The following OR4K1 variants were observed in gnomAD, a reference collection of about 807,000 sequenced individuals.
The protein encoded by OR4K1 is olfactory receptor family 4 subfamily K member 1.
In OR4K1, 16 loss-of-function variants were observed where a neutral mutation model predicts 14.4. That is an observed-to-expected ratio of 1.11 (90% CI 0.75 to 1.68). The LOEUF (loss-of-function observed/expected upper bound fraction) is 1.68. Among genes scored for constraint, OR4K1 ranks in the 40% most tolerant of loss-of-function variants. OR4K1 has a pLI of 0.00. For missense variants in OR4K1, 548 were observed against 376.9 expected (o/e 1.45, Z -3.76); for synonymous variants, 181 against 133.1 (o/e 1.36, Z -2.48).
intron 1 of OR4K1, among the ~76,000 whole-genome samples, chr14:19,931,887 C>T (rs1239250796): frequency 6.6e-6 from 1 of 152,252 alleles, no homozygotes; most frequent in African/African-American, 2.4e-5. Context: ...GTTTCCATAA[C>T]TGCCTCTGCA....
At chr14:19,930,292 C>T (rs1405764943), upstream of OR4K1, among the ~76,000 whole-genome samples, 1 of 152,206 alleles carries the variant, frequency 6.6e-6, no homozygotes, top group Non-Finnish European at 1.5e-5. Context: ...AATAGGGAAT[C>T]TTACCTTCAA....
chr14:19,928,881 A>C (rs1882120280), upstream of OR4K1, among the ~76,000 whole-genome samples: 1 of 152,090 alleles, frequency 6.6e-6, no homozygotes, highest in Non-Finnish European at 1.5e-5. Context: ...TTTGATTTAC[A>C]AGGAATTAGT....
chr14:19,923,860 C>T, the OR4K1 span, among the ~76,000 whole-genome samples: 2 of 152,202 alleles, frequency 1.3e-5, no homozygotes, highest in South Asian at 2.1e-4. Context: ...TAGCTAATTC[C>T]TATTACCAGT....
rs755773935 is a variant in OR4K1, at chr14:19,936,303, G to A, written c.637G>A (p.Ala213Thr). ...SGLISLSCFL[A>T]LIISYTIILI... ...CCTGATATCATTGAGCTGTTTCCTGGCTTTAATTATTTCCTACACCATCAT... is the reference window on the plus strand; with the variant it reads ...CCTGATATCATTGAGCTGTTTCCTGACTTTAATTATTTCCTACACCATCAT... The change falls in exon 2 of 2, where the codon GCT becomes ACT. Residue 213 changes from alanine to threonine, a missense_variant. By Grantham distance (58) the Ala-to-Thr change is moderately conservative. Transcript: ENST00000641172. The A allele has an allele frequency of 2.5e-6, 4 of 1,614,104 alleles. No homozygotes were observed. The highest frequency in any genetic ancestry group is 3.4e-6 in the Non-Finnish European group (4 of 1,180,054).
rs567416945 is a variant in OR4K1 at position 19,935,751 on chromosome 14, G to T, written c.85G>T (p.Ala29Ser). 4.3e-6 allele frequency: 7 copies of T among 1,612,748 alleles called. No individual in the cohort carries two copies. The East Asian group carries it at 1.1e-4, about 26-fold the overall frequency. The change falls in exon 2 of 2, where the codon GCC (alanine) becomes TCC (serine). Residue 29 changes from alanine to serine, a missense_variant. Ala to Ser is a moderately conservative substitution (Grantham distance 99, BLOSUM62 1). Transcript: ENST00000641172. Reference sequence around the variant, plus strand: ...CTGGGGACTTCAACTTTTCTTTTTTGCCATCTTCTCTATAGTCTATGTGAC... The same window carrying T: ...CTGGGGACTTCAACTTTTCTTTTTTTCCATCTTCTCTATAGTCTATGTGAC... ...NSWGLQLFFF[A>S]IFSIVYVTSV...
rs1882293035 is a variant in OR4K1 at position 19,935,741 on chromosome 14, T to G, written c.75T>G (p.Leu25=). The change falls in exon 2 of 2, where the codon CTT becomes CTG. Residue 25 remains leucine (L), a synonymous_variant. Coordinates refer to ENST00000641172, the MANE Select transcript of OR4K1 (RefSeq NM_001004063.3). ...TCTCTAATTCCTGGGGACTTCAACT[T>G]TTCTTTTTTGCCATCTTCTCTATAG... ...LGLSNSWGLQ[L]FFFAIFSIVY... 1 of 1,613,862 alleles carries G rather than the reference T, an allele frequency of 6.2e-7. No individual in the cohort carries two copies. Among genetic ancestry groups the G allele is most frequent in the Non-Finnish European group, 8.5e-7 (1 of 1,179,844 alleles).
chr14:19,924,355 G>T, the OR4K1 span, among the ~76,000 whole-genome samples: 1 of 129,726 alleles, frequency 7.7e-6, no homozygotes, highest in South Asian at 2.4e-4. Context: ...AGCCGAGATC[G>T]CGCCATTGCA....
In OR4K1 at chr14:19,936,050, G is replaced by C; in HGVS notation, c.384G>C (p.Lys128Asn). The C allele has an allele frequency of 5.0e-6, 8 of 1,614,262 alleles. No homozygotes were observed. The highest frequency in any genetic ancestry group is 6.8e-6 in the Non-Finnish European group (8 of 1,180,048). Residue 128 changes from lysine (K) to asparagine (N), a missense_variant, in exon 2 of 2, where the codon AAG (lysine) becomes AAC (asparagine). Lys to Asn is a moderately conservative substitution (Grantham distance 94). Transcript: ENST00000641172. Reference sequence around the variant, plus strand: ...ATGACAGATTTATAGCCATATGTAAGCCTCTGCACTACAGTACAATTATGA... The same window carrying C: ...ATGACAGATTTATAGCCATATGTAACCCTCTGCACTACAGTACAATTATGA... ...MAYDRFIAIC[K>N]PLHYSTIMNR...
chr14:19,928,593 A>G (rs2138586806), upstream of OR4K1, among the ~76,000 whole-genome samples: 1 of 152,130 alleles, frequency 6.6e-6, no homozygotes, highest in South Asian at 2.1e-4. Context: ...AATTGGGCAT[A>G]TTTTTTGCCT....
Position 19,935,955 on chromosome 14 carries a change from T to G in OR4K1, c.289T>G (p.Cys97Gly), listed in dbSNP as rs574976047. 83 of 1,614,238 alleles carry G rather than the reference T, an allele frequency of 5.1e-5. No individual in the cohort carries two copies. In the South Asian group the frequency reaches 8.8e-4, roughly 17 times the overall value. The change falls in exon 2 of 2, where the codon TGC becomes GGC. Residue 97 changes from cysteine to glycine, a missense_variant. Physicochemically the swap from Cys to Gly is radical, Grantham distance 159. Transcript: ENST00000641172. ...GCGCAAGACTATCTCCTTTGAGGGT[T>G]GCATGGCCCAGATATTCGTTCTTCA... ...IERKTISFEG[C>G]MAQIFVLHSF...
chr14:19,921,386 G>A, the OR4K1 span: 2 of 1,614,088 alleles, frequency 1.2e-6, no homozygotes, highest in African/African-American at 1.3e-5. Flanking sequence ...TCTATGTGTG[G>A]CCCTTTACCA....
At chr14:19,921,422 C>T in the OR4K1 span, 2 of 1,614,090 alleles carry the variant, frequency 1.2e-6, no homozygotes, top group South Asian at 1.1e-5. Context: ...AATTTCTTGC[C>T]ATATTTTACA....
chr14:19,920,655 C>T, the OR4K1 span: 2 of 1,613,748 alleles, frequency 1.2e-6, no homozygotes, highest in Non-Finnish European at 1.7e-6. Flanking sequence ...ACTGTTGGGA[C>T]TCTGTAGTTC....
upstream of OR4K1, among the ~76,000 whole-genome samples, chr14:19,929,424 G>GAGAC (rs1555334784): frequency 1.3e-5 from 2 of 150,298 alleles, no homozygotes; most frequent in East Asian, 2.0e-4. Flanking sequence ...GGGAGAGAGA[G>GAGAC]AGAGACAGAG....
At chr14:19,935,036 G>A (rs1296812250) in intron 1 of OR4K1, among the ~76,000 whole-genome samples, 1 of 152,162 alleles carries the variant, frequency 6.6e-6, no homozygotes, top group Non-Finnish European at 1.5e-5. Context: ...TTAGTCTTGT[G>A]CTTAAGGCTA....
the OR4K1 span, among the ~76,000 whole-genome samples, chr14:19,923,880 T>C: frequency 6.6e-5 from 10 of 152,254 alleles, no homozygotes; most frequent in Non-Finnish European, 1.3e-4. Context: ...TTGCTAATTC[T>C]TTATATTAAG....
At chr14:19,924,395 C>T in the OR4K1 span, among the ~76,000 whole-genome samples, 42 of 38,322 alleles carry the variant, frequency 1.1e-3, no homozygotes, top group Middle Eastern at 0.022. Context: ...AGCAAAACTC[C>T]GTATCAAAAA....
intron 1 of OR4K1, among the ~76,000 whole-genome samples, 194 bp from the exon 2 acceptor site, chr14:19,935,454 T>C (rs1483627171): frequency 6.6e-6 from 1 of 152,206 alleles, no homozygotes; most frequent in Non-Finnish European, 1.5e-5. Flanking sequence ...ATCCTCTTTT[T>C]CACACTCTTT....
upstream of OR4K1, among the ~76,000 whole-genome samples, chr14:19,926,401 C>A (rs1230132588): frequency 6.6e-6 from 1 of 152,210 alleles, no homozygotes; most frequent in East Asian, 1.9e-4. Context: ...ATTTTAGTCA[C>A]ACATTGAAGG....
Sources: allele counts gnomAD v4.1 joint callset (sites outside exome capture counted in the v4.1 genomes callset), GRCh38; gene constraint gnomAD v4.1.1; transcripts MANE v1.5; gene names NCBI Gene and HGNC (gene_info 2026-07-23, HGNC 2026-07-21).